Variants in SEMA3D observed in about 807,000 individuals in gnomAD.
The protein encoded by SEMA3D is semaphorin 3D, also known as semaphorin-3D.
A neutral mutation model predicts 100.1 loss-of-function variants in SEMA3D; 84 were observed. That is an observed-to-expected ratio of 0.84 (90% CI 0.70 to 1.01). SEMA3D has a LOEUF of 1.01. Ranked by LOEUF, SEMA3D falls within the 50% of genes least tolerant of loss-of-function variation. The probability of loss-of-function intolerance (pLI) is 0.00; values close to 1 mark genes in which losing one functional copy is unlikely to be tolerated. For synonymous variants in SEMA3D, 312 were observed against 320.7 expected, an observed-to-expected ratio of 0.97 and a Z score of 0.29; for missense variants, 875 against 934.1, an observed-to-expected ratio of 0.94 and a Z score of 0.82.
intron 8 of SEMA3D, among the ~76,000 whole-genome samples, chr7:85,063,098 T>G (rs1429333090): frequency 6.6e-6 from 1 of 152,194 alleles, no homozygotes; most frequent in Admixed American, 6.5e-5. Flanking sequence ...CTTCCCGATA[T>G]GATTTAATTT....
At chr7:85,107,369 C>T (rs1400084301) in intron 3 of SEMA3D, among the ~76,000 whole-genome samples, 1 of 152,060 alleles carries the variant, frequency 6.6e-6, no homozygotes, top group Admixed American at 6.6e-5. Flanking sequence ...CTTGCACATA[C>T]ACTTTCAAGA....
the SEMA3D span, among the ~76,000 whole-genome samples, chr7:85,215,808 C>A: frequency 1.3e-5 from 2 of 151,880 alleles, no homozygotes; most frequent in African/African-American, 4.8e-5. Context: ...AGAGTAGAAC[C>A]ATTTTACATT....
At chr7:85,035,655 T>A (rs1790673874) in intron 12 of SEMA3D, among the ~76,000 whole-genome samples, 1 of 151,980 alleles carries the variant, frequency 6.6e-6, no homozygotes, top group Non-Finnish European at 1.5e-5. Flanking sequence ...GCATTAGAGA[T>A]CTGCTGTACA....
At chr7:85,026,778 T>C (rs1790401884) in intron 12 of SEMA3D, among the ~76,000 whole-genome samples, 1 of 152,012 alleles carries the variant, frequency 6.6e-6, no homozygotes, top group Admixed American at 6.6e-5. Flanking sequence ...CTGAGAACCA[T>C]CAGCTCCTTA....
chr7:85,039,324 T>A (rs986388257), intron 11 of SEMA3D, among the ~76,000 whole-genome samples: 1 of 152,130 alleles, frequency 6.6e-6, no homozygotes, highest in Non-Finnish European at 1.5e-5. Context: ...TGGAGTGCAA[T>A]GGCACAACCT....
At chr7:85,016,411 T>C (rs1275922407) in intron 15 of SEMA3D, among the ~76,000 whole-genome samples, 1 of 151,590 alleles carries the variant, frequency 6.6e-6, no homozygotes, top group East Asian at 2.0e-4. Flanking sequence ...CCTTGGAGAG[T>C]AGCACTCTCA....
intron 12 of SEMA3D, among the ~76,000 whole-genome samples, chr7:85,033,816 T>C (rs925476746): frequency 6.0e-5 from 9 of 150,752 alleles, no homozygotes; most frequent in South Asian, 2.1e-4. Flanking sequence ...CAGAGTAAAA[T>C]TGATCCTTCT....
chr7:85,158,192 A>G (rs1790650680), intron 1 of SEMA3D, among the ~76,000 whole-genome samples: 1 of 152,232 alleles, frequency 6.6e-6, no homozygotes, highest in Admixed American at 6.5e-5. Context: ...TCAGGGAACA[A>G]GAGAGATAAC....
chr7:85,187,247 G>A (rs765148282), upstream of SEMA3D, among the ~76,000 whole-genome samples: 2 of 152,158 alleles, frequency 1.3e-5, no homozygotes, highest in Non-Finnish European at 2.9e-5. Context: ...TGTTTATCAG[G>A]ACAGGGCACC....
At chr7:85,225,892 A>T in the SEMA3D span, among the ~76,000 whole-genome samples, 1 of 152,214 alleles carries the variant, frequency 6.6e-6, no homozygotes, top group Non-Finnish European at 1.5e-5. Flanking sequence ...CTTAGGAAAG[A>T]TTATATTACC....
the SEMA3D span, among the ~76,000 whole-genome samples, chr7:85,250,076 G>C: frequency 2.6e-5 from 4 of 152,158 alleles, no homozygotes; most frequent in Non-Finnish European, 5.9e-5. Flanking sequence ...GGGTCAGGGA[G>C]TTCCCTTTCC....
chr7:85,220,330 CTT>C, the SEMA3D span, among the ~76,000 whole-genome samples: 387 of 134,876 alleles, frequency 2.9e-3, no homozygotes, highest in African/African-American at 8.8e-3. Flanking sequence ...TTTCAGGTTC[CTT>C]TTTTTTTTTT....
At chr7:85,064,357 A>T (rs1791555729) in intron 8 of SEMA3D, among the ~76,000 whole-genome samples, 1 of 152,230 alleles carries the variant, frequency 6.6e-6, no homozygotes, top group African/African-American at 2.4e-5. Flanking sequence ...TGTGTTAAGA[A>T]ATTAATGGGT....
chr7:85,172,831 G>T (rs1187804799), intron 1 of SEMA3D, among the ~76,000 whole-genome samples: 1 of 151,986 alleles, frequency 6.6e-6, no homozygotes, highest in Admixed American at 6.6e-5. Flanking sequence ...GAATGTTACT[G>T]GGCTGAGTTC....
At chr7:85,171,541 T>C (rs1791081920) in intron 1 of SEMA3D, among the ~76,000 whole-genome samples, 1 of 151,980 alleles carries the variant, frequency 6.6e-6, no homozygotes, top group Non-Finnish European at 1.5e-5. Flanking sequence ...CAACCATTAT[T>C]ACCTTGATCA....
chr7:85,199,715 C>T, the SEMA3D span, among the ~76,000 whole-genome samples: 1 of 152,108 alleles, frequency 6.6e-6, no homozygotes, highest in Non-Finnish European at 1.5e-5. Flanking sequence ...TTATCCTTCA[C>T]TTTTTTCTTG....
At chr7:85,002,462 A>G (rs1193388591) in intron 18 of SEMA3D, among the ~76,000 whole-genome samples, 1 of 152,210 alleles carries the variant, frequency 6.6e-6, no homozygotes, top group African/African-American at 2.4e-5. Flanking sequence ...TCTGTGACCC[A>G]GAAACTAAGT....
rs1789589927 is a variant in SEMA3D, at chr7:85,127,055, C to T, written c.-40-5124G>A. ...TTGTCTTCAGATGCCATGAATTCTC[C>T]ATCAAATGATATATTCTAAAGGAGT... is the stretch of plus-strand genomic sequence containing the variant. On this transcript the variant is annotated intron_variant, in intron 2 of 18. Transcript: ENST00000284136. 2.0e-5 allele frequency among the ~76,000 whole-genome samples: 3 copies of T among 152,148 alleles called. No homozygotes were observed. The South Asian group carries it at 6.2e-4, about 32-fold the overall frequency.
At chr7:85,068,099 T>G (rs563078504) in intron 7 of SEMA3D, 92 bp downstream of exon 7, 24 of 750,270 alleles carry the variant, frequency 3.2e-5, no homozygotes, top group Non-Finnish European at 5.0e-5. Context: ...TAGTAAAAAA[T>G]TACCTTTAAC....
Sources: allele counts gnomAD v4.1 joint callset (sites outside exome capture counted in the v4.1 genomes callset), GRCh38; gene constraint gnomAD v4.1.1; transcripts MANE v1.5; gene names NCBI Gene and HGNC (gene_info 2026-07-23, HGNC 2026-07-21).